SV2B: variants seen among roughly 807,000 people sequenced by gnomAD.
The protein encoded by SV2B is synaptic vesicle glycoprotein 2B.
In SV2B, 41 loss-of-function variants were observed where a neutral mutation model predicts 73.9. The observed-to-expected ratio is 0.56, with a 90% confidence interval of 0.43 to 0.72. The LOEUF (loss-of-function observed/expected upper bound fraction) is 0.72. Ranked by LOEUF, SV2B falls within the 30% of genes least tolerant of loss-of-function variation. The pLI, the probability that SV2B is intolerant of heterozygous loss-of-function variation, is 0.00. For missense variants in SV2B, 764 were observed against 857.8 expected, an observed-to-expected ratio of 0.89 and a Z score of 1.37; for synonymous variants, 314 against 314.2, an observed-to-expected ratio of 1.00 and a Z score of 0.01.
At chr15:91,191,063 C>CT (rs59849012) in intron 1 of SV2B, among the ~76,000 whole-genome samples, 2,585 of 64,220 alleles carry the variant, frequency 0.04, 289 homozygotes, top group African/African-American at 0.046. Context: ...TTTGGTGTTT[C>CT]TTTTTTTTTT....
intron 9 of SV2B, among the ~76,000 whole-genome samples, chr15:91,272,645 GA>G (rs1224219833): frequency 6.6e-6 from 1 of 151,988 alleles, no homozygotes; most frequent in Non-Finnish European, 1.5e-5. Context: ...AGCTCAGTAT[GA>G]AAATGAAGTT....
intron 1 of SV2B, among the ~76,000 whole-genome samples, chr15:91,149,588 AGC>A (rs2043248423): frequency 6.6e-6 from 1 of 152,208 alleles, no homozygotes; most frequent in Non-Finnish European, 1.5e-5. Flanking sequence ...AATCACTGGG[AGC>A]CACGCTCTTA....
intron 1 of SV2B, among the ~76,000 whole-genome samples, chr15:91,145,013 G>T (rs2043105555): frequency 6.6e-6 from 1 of 151,896 alleles, no homozygotes; most frequent in Non-Finnish European, 1.5e-5. Context: ...AAGTTCAGGG[G>T]TACATGCGCA....
At chr15:91,254,011 A>G (rs1167486173) in intron 4 of SV2B, among the ~76,000 whole-genome samples, 2 of 152,202 alleles carry the variant, frequency 1.3e-5, no homozygotes, top group Non-Finnish European at 2.9e-5. Flanking sequence ...AGTTCTCCAT[A>G]ATTTTAGATA....
intron 1 of SV2B, among the ~76,000 whole-genome samples, chr15:91,156,750 G>A (rs1157601198): frequency 1.3e-5 from 2 of 152,216 alleles, no homozygotes; most frequent in Admixed American, 6.5e-5. Context: ...AATCCCCAGA[G>A]TAACTCAATA....
At chr15:91,158,833 A>G (rs2141243317) in intron 1 of SV2B, among the ~76,000 whole-genome samples, 1 of 150,584 alleles carries the variant, frequency 6.6e-6, no homozygotes, top group East Asian at 2.0e-4. Flanking sequence ...AAAATTTTGC[A>G]CAATGTTACC....
At chr15:91,146,157 G>A (rs1473562372) in intron 1 of SV2B, among the ~76,000 whole-genome samples, 1 of 152,134 alleles carries the variant, frequency 6.6e-6, no homozygotes, top group Non-Finnish European at 1.5e-5. Flanking sequence ...GTTAATTTTT[G>A]TATATGGTGT....
In SV2B at chr15:91,132,267, A is replaced by G. The variant is rs555868539; in HGVS notation, c.-392+31904A>G. 3.3e-5 allele frequency among the ~76,000 whole-genome samples: 5 copies of G among 152,340 alleles called. No individual in the cohort carries two copies. The South Asian group carries it at 1.0e-3, about 32-fold the overall frequency. On this transcript the variant is annotated intron_variant, in intron 1 of 12. Transcript: ENST00000394232. This position sits in a 1 kb window ranked among gnomAD's most constrained non-coding sequence, Gnocchi z 4.6. The stretch of plus-strand genomic sequence containing the variant: ...GCTGCTTCATGCTCACCTCATGTAA[A>G]TGAAGTAGTAGCCCACAATCAGTCT...
chr15:91,168,375 C>A (rs1193260288), intron 1 of SV2B, among the ~76,000 whole-genome samples: 2 of 150,580 alleles, frequency 1.3e-5, no homozygotes, highest in African/African-American at 4.9e-5. Flanking sequence ...AGGCCAATTT[C>A]TCTGGCCAAT....
At chr15:91,217,044 C>A (rs534068171) in intron 1 of SV2B, among the ~76,000 whole-genome samples, 1 of 151,886 alleles carries the variant, frequency 6.6e-6, no homozygotes, top group Non-Finnish European at 1.5e-5. Flanking sequence ...TGTGCCACCA[C>A]GCTCGGCTAA....
intron 1 of SV2B, among the ~76,000 whole-genome samples, chr15:91,103,242 G>T (rs2041786610): frequency 6.6e-6 from 1 of 152,296 alleles, no homozygotes; most frequent in African/African-American, 2.4e-5. Context: ...GGAAGCACAG[G>T]AATTAAGGAC....
At chr15:91,174,252 C>T (rs2044224741) in intron 1 of SV2B, among the ~76,000 whole-genome samples, 1 of 152,120 alleles carries the variant, frequency 6.6e-6, no homozygotes, top group Admixed American at 6.5e-5. Context: ...AAAAGAGAAA[C>T]CTGGCTTTGA....
Position 91,185,456 on chromosome 15 carries a change from G to A in SV2B, c.-391-40417G>A, listed in dbSNP as rs141158716. On this transcript the variant is annotated intron_variant, in intron 1 of 12. Coordinates refer to ENST00000394232, the MANE Select transcript of SV2B (RefSeq NM_001323032.3). ...ATCTACTTAATTTGTAAGGTATCCC[G>A]CTGTCTCCATCACATTGATGAGAAG... 1.1e-4 allele frequency among the ~76,000 whole-genome samples: 16 copies of A among 152,124 alleles called. No individual in the cohort carries two copies. In the East Asian group the frequency reaches 2.3e-3, roughly 22 times the overall value.
Position 91,225,036 on chromosome 15 carries a change from C to T in SV2B, c.-391-837C>T, listed in dbSNP as rs1464016287. 2.0e-5 allele frequency among the ~76,000 whole-genome samples: 3 copies of T among 152,206 alleles called. No individual in the cohort carries two copies. The East Asian group carries it at 5.8e-4, about 29-fold the overall frequency. On this transcript the variant is annotated intron_variant, in intron 1 of 12. Coordinates refer to ENST00000394232, the MANE Select transcript of SV2B (RefSeq NM_001323032.3). Reference sequence around the variant, plus strand: ...CTTAAATAGTATTTACCCGTGCAGACCAGGCACGATTCTAAGTACTTTATG... The same window carrying T: ...CTTAAATAGTATTTACCCGTGCAGATCAGGCACGATTCTAAGTACTTTATG...
chr15:91,250,929 C>T (rs2047457988), intron 2 of SV2B, among the ~76,000 whole-genome samples: 1 of 152,152 alleles, frequency 6.6e-6, no homozygotes, highest in South Asian at 2.1e-4. Flanking sequence ...CTTCCAATGG[C>T]ATTTTTCATA....
chr15:91,152,071 CTTT>C (rs59094531), intron 1 of SV2B, among the ~76,000 whole-genome samples: 30 of 137,266 alleles, frequency 2.2e-4, no homozygotes, highest in Non-Finnish European at 2.8e-4. Flanking sequence ...AATTTTTACT[CTTT>C]TTTTTTTTTT....
chr15:91,214,273 G>A lies in SV2B; in HGVS notation c.-391-11600G>A, dbSNP rs911181377. Among the ~76,000 whole-genome samples, 1 of 152,162 alleles carries A rather than the reference G, an allele frequency of 6.6e-6. No homozygotes were observed. The highest frequency in any genetic ancestry group is 6.6e-5 in the Admixed American group (1 of 15,264). On this transcript the variant is annotated intron_variant, in intron 1 of 12. Transcript: ENST00000394232. This position sits in a 1 kb window ranked among gnomAD's most constrained non-coding sequence, Gnocchi z 4.7. ...AAACCAGAGGGTCTCACCCAAGAAG[G>A]CCTCAGATTTGCTGCTTGTGGAGTG...
intron 12 of SV2B, among the ~76,000 whole-genome samples, chr15:91,291,294 C>G (rs2049031795): frequency 6.6e-6 from 1 of 150,790 alleles, no homozygotes; most frequent in African/African-American, 2.4e-5. Context: ...TTAAAAGATC[C>G]AAGAAAATAC....
chr15:91,255,769 G>A (rs1343220500), intron 4 of SV2B, among the ~76,000 whole-genome samples: 2 of 152,184 alleles, frequency 1.3e-5, no homozygotes, highest in East Asian at 3.8e-4. Flanking sequence ...TCACTTGGGG[G>A]AAATCCATCC....
Sources: gnomAD v4.1 joint callset for allele counts (sites outside exome capture counted in the v4.1 genomes callset) on GRCh38, gnomAD v4.1.1 for gene constraint, Gnocchi (gnomAD v3.1) non-coding constraint, MANE v1.5 for transcripts, NCBI Gene and HGNC (gene_info 2026-07-23, HGNC 2026-07-21) for gene names.